Variants in SLCO5A1 observed in about 807,000 individuals in gnomAD.
SLCO5A1 encodes the protein organic anion transporter polypeptide-related protein 4.
A neutral mutation model predicts 65.1 loss-of-function variants in SLCO5A1; 39 were observed. The ratio of observed to expected loss-of-function variants is 0.60; its 90% CI spans 0.46 to 0.78. SLCO5A1 has a LOEUF of 0.78. Among genes scored for constraint, SLCO5A1 ranks in the 30% least tolerant of loss-of-function variants. The pLI is 0.00. For missense variants in SLCO5A1, 1,029 were observed against 1,069.4 expected, an observed-to-expected ratio of 0.96 and a Z score of 0.53; for synonymous variants, 438 against 415.7, an observed-to-expected ratio of 1.05 and a Z score of -0.65.
At chr8:69,751,641 G>A (rs1000412773) in intron 4 of SLCO5A1, among the ~76,000 whole-genome samples, 7 of 151,452 alleles carry the variant, frequency 4.6e-5, no homozygotes, top group South Asian at 2.1e-4. Flanking sequence ...TCCACCTCCC[G>A]GTTCAAGCGA....
chr8:69,748,414 C>A (rs1263912978), intron 4 of SLCO5A1, among the ~76,000 whole-genome samples: 2 of 152,176 alleles, frequency 1.3e-5, no homozygotes, highest in Non-Finnish European at 2.9e-5. Context: ...GGACTGTTAC[C>A]ATTTACCTTT....
At chr8:69,714,201 A>T (rs1815408560) in intron 5 of SLCO5A1, among the ~76,000 whole-genome samples, 1 of 147,546 alleles carries the variant, frequency 6.8e-6, no homozygotes. Context: ...CATTAGAATT[A>T]ATTTAAGGTA....
chr8:69,731,341 G>A (rs887601182), intron 5 of SLCO5A1, among the ~76,000 whole-genome samples: 5 of 152,162 alleles, frequency 3.3e-5, no homozygotes, highest in Non-Finnish European at 4.4e-5. Flanking sequence ...AGCAAAAACC[G>A]CAATTACTTT....
At chr8:69,778,172 C>CG (rs1335967969) in intron 2 of SLCO5A1, among the ~76,000 whole-genome samples, 5 of 151,498 alleles carry the variant, frequency 3.3e-5, no homozygotes. Context: ...ATCAAGGGTT[C>CG]GGGGGTATCC....
chr8:69,746,699 C>T (rs977749025), intron 4 of SLCO5A1, among the ~76,000 whole-genome samples: 7 of 152,128 alleles, frequency 4.6e-5, no homozygotes, highest in Non-Finnish European at 8.8e-5. Context: ...TAATTATGGC[C>T]GAAGGAGGCC....
intron 4 of SLCO5A1, among the ~76,000 whole-genome samples, chr8:69,751,052 A>C (rs1464262369): frequency 6.6e-6 from 1 of 152,266 alleles, no homozygotes; most frequent in African/African-American, 2.4e-5. Context: ...GCACTCTAAC[A>C]GACAAAATCC....
rs966371221 is a variant in SLCO5A1 at position 69,671,171 on chromosome 8, A to G, written c.*1698T>C. On this transcript the variant is annotated 3_prime_UTR_variant, in exon 10 of 10. Transcript: ENST00000260126. The stretch of plus-strand genomic sequence containing the variant: ...GTTCAGTCTAACAGTGTTAACACAA[A>G]CTGTATGCAACCAAGAGAACTGTTT... The G allele has an allele frequency of 2.0e-5, 3 of 152,230 alleles. No homozygotes were observed. Among genetic ancestry groups the G allele is most frequent in the African/African-American group, 7.2e-5 (3 of 41,462 alleles). The allele number at this position is 152,230 out of a possible 1,614,324, so 9.4% of individuals were successfully genotyped here.
intron 2 of SLCO5A1, among the ~76,000 whole-genome samples, chr8:69,817,043 T>G (rs1820440121): frequency 6.6e-6 from 1 of 152,204 alleles, no homozygotes; most frequent in South Asian, 2.1e-4. Context: ...CTTAATCATG[T>G]GTAAATGTAT....
chr8:69,822,450 A>G (rs1419666677), intron 2 of SLCO5A1, among the ~76,000 whole-genome samples: 1 of 152,250 alleles, frequency 6.6e-6, no homozygotes, highest in Non-Finnish European at 1.5e-5. Flanking sequence ...TAACATTACG[A>G]AAACACTGAT....
intron 8 of SLCO5A1, among the ~76,000 whole-genome samples, chr8:69,677,771 A>G (rs1032196216): frequency 1.3e-5 from 2 of 152,238 alleles, no homozygotes; most frequent in African/African-American, 4.8e-5. Context: ...CATCTGGTGC[A>G]GCCAACTGCC....
chr8:69,675,017 G>A (rs1489712069), intron 9 of SLCO5A1, among the ~76,000 whole-genome samples: 13 of 150,728 alleles, frequency 8.6e-5, no homozygotes, highest in African/African-American at 2.9e-4. Flanking sequence ...TCCAGCCTGG[G>A]CAACAGAGCA....
intron 6 of SLCO5A1, among the ~76,000 whole-genome samples, chr8:69,687,180 T>C (rs1473174333): frequency 2.0e-5 from 3 of 152,160 alleles, no homozygotes; most frequent in African/African-American, 7.2e-5. Context: ...CTACAGAGAA[T>C]GGTGGGAAAA....
chr8:69,721,415 G>A (rs1229122377), intron 5 of SLCO5A1, among the ~76,000 whole-genome samples: 1 of 152,156 alleles, frequency 6.6e-6, no homozygotes, highest in Admixed American at 6.5e-5. Flanking sequence ...ACTACCTCGT[G>A]TTATAGATAT....
intron 5 of SLCO5A1, among the ~76,000 whole-genome samples, chr8:69,706,301 C>T (rs548449688): frequency 6.6e-6 from 1 of 152,272 alleles, no homozygotes; most frequent in South Asian, 2.1e-4. Context: ...GAGTAATTAA[C>T]ATAAAAGCCA....
chr8:69,728,151 C>T (rs1348457905), intron 5 of SLCO5A1, among the ~76,000 whole-genome samples: 1 of 152,052 alleles, frequency 6.6e-6, no homozygotes, highest in East Asian at 1.9e-4. Flanking sequence ...GGGCATATAG[C>T]ATGCCAACCT....
Position 69,747,151 on chromosome 8 carries a change from C to T in SLCO5A1, c.1258+8273G>A, listed in dbSNP as rs944916320. On this transcript the variant is annotated intron_variant, in intron 4 of 9. Coordinates refer to ENST00000260126, the MANE Select transcript of SLCO5A1 (RefSeq NM_030958.3). ...GACCAACCTGATGCTCCCCCTGTGGCCCTGCATGGCAAGGCATGCCCCCTT... is the reference window on the plus strand; with the variant it reads ...GACCAACCTGATGCTCCCCCTGTGGTCCTGCATGGCAAGGCATGCCCCCTT... Among the ~76,000 whole-genome samples, 10 of 152,198 alleles carry T rather than the reference C, an allele frequency of 6.6e-5. 1 individual carries two copies. The highest frequency in any genetic ancestry group is 5.8e-4 in the East Asian group (3 of 5,196).
rs532923638 is a variant in SLCO5A1, at chr8:69,674,395, C to T, written c.2090-1069G>A. On this transcript the variant is annotated intron_variant, in intron 9 of 9. Transcript: ENST00000260126. Reference sequence around the variant, plus strand: ...CAGAGAGGATAGGCAGGCTGATAACCCAGGAAGCTGTGAGTGATACGTTTT... The same window carrying T: ...CAGAGAGGATAGGCAGGCTGATAACTCAGGAAGCTGTGAGTGATACGTTTT... 1.3e-4 allele frequency among the ~76,000 whole-genome samples: 20 copies of T among 152,146 alleles called. No homozygotes were observed. The East Asian group carries it at 3.5e-3, about 26-fold the overall frequency.
chr8:69,731,852 G>A lies in SLCO5A1; in HGVS notation c.1423+6188C>T, dbSNP rs373175707. Among the ~76,000 whole-genome samples the A allele has an allele frequency of 7.4e-4, 112 of 152,272 alleles. 2 individuals carry two copies. The South Asian group carries it at 9.5e-3, about 13-fold the overall frequency. ...CCATGCTTGAGTAGTGTCAGCACAC[G>A]TCTCAGGGGCAAGTGTCATCACCTG... On this transcript the variant is annotated intron_variant, in intron 5 of 9. Coordinates refer to ENST00000260126, the MANE Select transcript of SLCO5A1 (RefSeq NM_030958.3).
chr8:69,792,547 A>G (rs1819316746), intron 2 of SLCO5A1, among the ~76,000 whole-genome samples: 1 of 152,208 alleles, frequency 6.6e-6, no homozygotes, highest in South Asian at 2.1e-4. Flanking sequence ...TTTTAAGAGC[A>G]TTTGTCTGGC....
Sources: gnomAD v4.1 joint callset for allele counts (sites outside exome capture counted in the v4.1 genomes callset) on GRCh38, gnomAD v4.1.1 for gene constraint, MANE v1.5 for transcripts, NCBI Gene and HGNC (gene_info 2026-07-23, HGNC 2026-07-21) for gene names.